The following PNOC variants were observed in gnomAD, a reference collection of about 807,000 sequenced individuals.
The protein encoded by PNOC is prepronociceptin.
A neutral mutation model predicts 15.6 loss-of-function variants in PNOC; 10 were observed. That is an observed-to-expected ratio of 0.64 (90% CI 0.40 to 1.09). The LOEUF is 1.09. Among genes scored for constraint, PNOC ranks in the 50% least tolerant of loss-of-function variants. PNOC has a pLI of 0.01. For missense variants in PNOC, 220 were observed against 223.9 expected (o/e 0.98, Z 0.11); for synonymous variants, 98 against 88.5 (o/e 1.11, Z -0.60).
intron 2 of PNOC, among the ~76,000 whole-genome samples, chr8:28,332,639 G>A (rs181102293): frequency 6.0e-4 from 92 of 152,074 alleles, no homozygotes; most frequent in African/African-American, 2.0e-3. Context: ...AAAGAGTGTG[G>A]GGAAATTTAT....
chr8:28,327,104 C>A (rs1288496530), intron 1 of PNOC, among the ~76,000 whole-genome samples: 1 of 152,208 alleles, frequency 6.6e-6, no homozygotes, highest in African/African-American at 2.4e-5. Flanking sequence ...TGTAAATGTA[C>A]AACTCAATGG....
chr8:28,330,400 T>TTTTTTTTTTTTTTTTTTTTTTTTTTTTTA (rs869258665), intron 2 of PNOC, among the ~76,000 whole-genome samples: 3 of 102,228 alleles, frequency 2.9e-5, no homozygotes, highest in Non-Finnish European at 6.1e-5. Context: ...TATTTTATTT[T>TTTTTTTTTTTTTTTTTTTTTTTTTTTTTA]TTTTTTTTTT....
chr8:28,327,129 A>C (rs1801237869), intron 1 of PNOC, among the ~76,000 whole-genome samples: 1 of 152,248 alleles, frequency 6.6e-6, no homozygotes, highest in South Asian at 2.1e-4. Context: ...TGGCAAATGG[A>C]TACACCCCTG....
intron 2 of PNOC, among the ~76,000 whole-genome samples, chr8:28,337,487 A>G (rs1801430448): frequency 6.6e-6 from 1 of 150,644 alleles, no homozygotes; most frequent in South Asian, 2.1e-4. Flanking sequence ...TTTAGCAGAG[A>G]TGGGTTTTTG....
At chr8:28,327,224 G>C (rs1801239225) in intron 1 of PNOC, among the ~76,000 whole-genome samples, 1 of 152,098 alleles carries the variant, frequency 6.6e-6, no homozygotes. Context: ...GGTTCTACAG[G>C]GACCCAAAAT....
rs147012260 is a variant in PNOC, at chr8:28,339,410, G to A, written c.497G>A (p.Arg166His). The change falls in exon 3 of 4, where the codon CGC becomes CAC. Residue 166 changes from arginine to histidine, a missense_variant. Transcript: ENST00000301908. Reference sequence around the variant, plus strand: ...GTCCTGAGCATGCAGTCCAGCCAGCGCCGGCGCACCCTGCACCAGAATGGT... The same window carrying A: ...GTCCTGAGCATGCAGTCCAGCCAGCACCGGCGCACCCTGCACCAGAATGGT... ...YLVLSMQSSQ[R>H]RRTLHQNGNV 5.8e-6 allele frequency: 9 copies of A among 1,550,288 alleles called. 1 individual carries two copies. Among genetic ancestry groups the A allele is most frequent in the South Asian group, 2.4e-5 (2 of 82,402 alleles).
At chr8:28,321,206 A>AT (rs34876674) in intron 1 of PNOC, among the ~76,000 whole-genome samples, 85,967 of 122,758 alleles carry the variant, frequency 0.7, 31,073 homozygotes, top group Non-Finnish European at 0.77. Flanking sequence ...ACCTAGCTAA[A>AT]TTTTTTTTTT....
intron 1 of PNOC, among the ~76,000 whole-genome samples, chr8:28,319,199 T>C (rs1405515401): frequency 6.6e-6 from 1 of 152,128 alleles, no homozygotes; most frequent in East Asian, 1.9e-4. Flanking sequence ...ATTCAGTACA[T>C]GGCAGGGTCA....
intron 1 of PNOC, among the ~76,000 whole-genome samples, chr8:28,324,391 A>T (rs1360409615): frequency 6.6e-6 from 1 of 152,226 alleles, no homozygotes; most frequent in Non-Finnish European, 1.5e-5. Context: ...AGCTCAGCCT[A>T]TGCACACATT....
At chr8:28,338,051 A>C (rs1442282023) in intron 2 of PNOC, among the ~76,000 whole-genome samples, 1 of 152,226 alleles carries the variant, frequency 6.6e-6, no homozygotes, top group Non-Finnish European at 1.5e-5. Flanking sequence ...CCTGGAAGCC[A>C]GGCAGGAGCT....
At chr8:28,319,800 C>G (rs1023173798) in intron 1 of PNOC, among the ~76,000 whole-genome samples, 1 of 152,166 alleles carries the variant, frequency 6.6e-6, no homozygotes, top group African/African-American at 2.4e-5. Flanking sequence ...AGGAAAGGGA[C>G]GGGCCCTTCT....
At chr8:28,331,152 T>A (rs1425184504) in intron 2 of PNOC, among the ~76,000 whole-genome samples, 1 of 152,144 alleles carries the variant, frequency 6.6e-6, no homozygotes, top group Non-Finnish European at 1.5e-5. Flanking sequence ...TTCCAACCAG[T>A]CATAACTACC....
chr8:28,330,404 T>TATTTTA (rs1563328724), intron 2 of PNOC, among the ~76,000 whole-genome samples: 3 of 133,284 alleles, frequency 2.3e-5, no homozygotes, highest in Admixed American at 7.6e-5. Context: ...TTATTTTTTT[T>TATTTTA]TTTTTTTTGA....
chr8:28,341,107 T>C (rs958035555), intron 3 of PNOC, among the ~76,000 whole-genome samples: 3 of 152,250 alleles, frequency 2.0e-5, no homozygotes, highest in Non-Finnish European at 2.9e-5. Flanking sequence ...TTGCGTCCCA[T>C]GTGTCAGAGG....
intron 2 of PNOC, among the ~76,000 whole-genome samples, chr8:28,336,287 G>C (rs970165437): frequency 5.9e-5 from 9 of 152,190 alleles, no homozygotes; most frequent in Non-Finnish European, 2.9e-5. Flanking sequence ...CGCCTTAGAA[G>C]GTATTGCAAT....
intron 3 of PNOC, 90 bp downstream of exon 3, chr8:28,339,581 C>A: frequency 9.7e-7 from 1 of 1,028,484 alleles, no homozygotes; most frequent in Non-Finnish European, 1.3e-6. Flanking sequence ...GCACATTCAT[C>A]TCCCCGCCCC....
chr8:28,330,103 C>T (rs900610517), intron 2 of PNOC, among the ~76,000 whole-genome samples: 1 of 151,930 alleles, frequency 6.6e-6, no homozygotes, highest in African/African-American at 2.4e-5. Context: ...CCCACCACCA[C>T]GCCCCGCTAT....
intron 3 of PNOC, among the ~76,000 whole-genome samples, chr8:28,340,574 T>C (rs2129911292): frequency 6.6e-6 from 1 of 152,346 alleles, no homozygotes; most frequent in East Asian, 1.9e-4. Flanking sequence ...TCTCCTTAAA[T>C]AGCTAAGAAA....
chr8:28,329,416 GC>G, intron 2 of PNOC, 133 bp downstream of exon 2: 1 of 985,832 alleles, frequency 1.0e-6, no homozygotes, highest in Non-Finnish European at 1.5e-6. Context: ...GCATTACATG[GC>G]CCATAGGAAA....
Sources: gnomAD v4.1 joint callset for allele counts (sites outside exome capture counted in the v4.1 genomes callset) on GRCh38, gnomAD v4.1.1 for gene constraint, MANE v1.5 for transcripts, NCBI Gene and HGNC (gene_info 2026-07-23, HGNC 2026-07-21) for gene names.